Variants in ERC1 observed in about 807,000 individuals in gnomAD.
ERC1 encodes RAB6 interacting protein 2.
In ERC1, 56 loss-of-function variants were observed where a neutral mutation model predicts 132.0. That is an observed-to-expected ratio of 0.42 (90% CI 0.34 to 0.53). The LOEUF (loss-of-function observed/expected upper bound fraction) is 0.53, where lower values mean the gene tolerates loss of function less well. Among genes scored for constraint, ERC1 ranks in the 20% least tolerant of loss-of-function variants. The probability of loss-of-function intolerance (pLI) is 0.03; values close to 1 mark genes in which losing one functional copy is unlikely to be tolerated. For synonymous variants in ERC1, 478 were observed against 476.1 expected, an observed-to-expected ratio of 1.00 and a Z score of -0.05; for missense variants, 1,202 against 1,349.9, an observed-to-expected ratio of 0.89 and a Z score of 1.72.
intron 1 of ERC1, among the ~76,000 whole-genome samples, chr12:1,019,477 G>A (rs1966005513): frequency 1.3e-5 from 2 of 152,204 alleles, no homozygotes. Context: ...TTAGCTGTCA[G>A]TGGGATATTA....
chr12:1,027,707 TTTA>T, intron 1 of ERC1, 38 bp from the exon 2 acceptor site: 1 of 556,140 alleles, frequency 1.8e-6, no homozygotes, highest in Non-Finnish European at 3.2e-6. Flanking sequence ...AAGGGAAATA[TTTA>T]TTATTGGAGG....
At chr12:1,234,989 T>C (rs903568276) in intron 12 of ERC1, among the ~76,000 whole-genome samples, 1 of 152,234 alleles carries the variant, frequency 6.6e-6, no homozygotes, top group African/African-American at 2.4e-5. Flanking sequence ...TAGGGGAATA[T>C]CTTTATGAAC....
chr12:1,137,054 C>T (rs1460154420), intron 7 of ERC1, among the ~76,000 whole-genome samples: 1 of 151,064 alleles, frequency 6.6e-6, no homozygotes, highest in Non-Finnish European at 1.5e-5. Context: ...AGTCCTTCTA[C>T]TCACCAGTTC....
At chr12:1,008,006 T>C (rs1354794637) in intron 1 of ERC1, among the ~76,000 whole-genome samples, 1 of 152,186 alleles carries the variant, frequency 6.6e-6, no homozygotes, top group African/African-American at 2.4e-5. Context: ...TCTACTTTCT[T>C]TTCCCCGCCA....
At chr12:1,063,792 G>A (rs963294406) in intron 2 of ERC1, among the ~76,000 whole-genome samples, 11 of 151,860 alleles carry the variant, frequency 7.2e-5, no homozygotes, top group Admixed American at 6.6e-5. Flanking sequence ...TCCTCTCATT[G>A]TTTATCCTTG....
At chr12:1,139,158 A>C (rs1243644661) in intron 7 of ERC1, among the ~76,000 whole-genome samples, 1 of 152,234 alleles carries the variant, frequency 6.6e-6, no homozygotes, top group African/African-American at 2.4e-5. Flanking sequence ...AATTCCAGAA[A>C]AGAACAGCTC....
chr12:1,448,012 G>T (rs2093345511), intron 18 of ERC1, among the ~76,000 whole-genome samples: 1 of 151,988 alleles, frequency 6.6e-6, no homozygotes, highest in Admixed American at 6.6e-5. Flanking sequence ...ATGCCTAGAT[G>T]GACTTAACTC....
chr12:994,946 A>G (rs975535802), intron 1 of ERC1, among the ~76,000 whole-genome samples: 10 of 152,008 alleles, frequency 6.6e-5, no homozygotes, highest in African/African-American at 2.2e-4. Flanking sequence ...AATACAAACA[A>G]TTAGCTGGGG....
intron 17 of ERC1, among the ~76,000 whole-genome samples, chr12:1,437,035 T>G (rs1234191610): frequency 1.3e-5 from 2 of 152,140 alleles, no homozygotes; most frequent in Admixed American, 6.6e-5. Context: ...CAATGAGTGA[T>G]TTGTGTGGGG....
intron 12 of ERC1, among the ~76,000 whole-genome samples, chr12:1,212,851 G>A (rs1958007353): frequency 6.6e-6 from 1 of 152,128 alleles, no homozygotes; most frequent in African/African-American, 2.4e-5. Context: ...TTTCTCTGGG[G>A]ACCCCTTCCT....
intron 13 of ERC1, among the ~76,000 whole-genome samples, chr12:1,262,064 A>AAG (rs1253660097): frequency 1.3e-5 from 2 of 152,204 alleles, no homozygotes; most frequent in African/African-American, 4.8e-5. Context: ...AGATAAAATA[A>AAG]AAAATTCTTG....
chr12:1,244,876 T>C (rs2076064783), intron 13 of ERC1: 1 of 154,158 alleles, frequency 6.5e-6, no homozygotes, highest in African/African-American at 2.4e-5. Flanking sequence ...CGTTTTGATA[T>C]TCAAAGGTCA....
chr12:1,313,871 C>A (rs1307592081), intron 15 of ERC1, among the ~76,000 whole-genome samples: 3 of 152,096 alleles, frequency 2.0e-5, no homozygotes, highest in Admixed American at 2.0e-4. Flanking sequence ...ATAATCCCAG[C>A]TACTCGGGAG....
chr12:1,177,868 A>G (rs895321133), intron 8 of ERC1, among the ~76,000 whole-genome samples: 1 of 152,180 alleles, frequency 6.6e-6, no homozygotes, highest in Non-Finnish European at 1.5e-5. Flanking sequence ...ATCCAGGTAT[A>G]CCCGTATATG....
At chr12:1,191,283 C>T (rs1444454420) in intron 12 of ERC1, among the ~76,000 whole-genome samples, 1 of 152,070 alleles carries the variant, frequency 6.6e-6, no homozygotes, top group Non-Finnish European at 1.5e-5. Context: ...TTTTGCACTG[C>T]ACCCTTCCCC....
intron 16 of ERC1, chr12:1,386,109 A>T (rs1300670700): frequency 7.3e-6 from 1 of 136,226 alleles, no homozygotes; most frequent in African/African-American, 2.8e-5. Flanking sequence ...GCACGAGCTT[A>T]GCTCACTGCA....
At chr12:1,413,137 G>C (rs2091933761) in intron 17 of ERC1, among the ~76,000 whole-genome samples, 1 of 152,136 alleles carries the variant, frequency 6.6e-6, no homozygotes, top group East Asian at 1.9e-4. Flanking sequence ...AAAACACCTT[G>C]AATTTTATAA....
chr12:1,032,519 C>T (rs929900101), intron 2 of ERC1, among the ~76,000 whole-genome samples: 2 of 152,062 alleles, frequency 1.3e-5, no homozygotes, highest in African/African-American at 2.4e-5. Flanking sequence ...TACTCTTGTT[C>T]GTAATGATCA....
intron 4 of ERC1, among the ~76,000 whole-genome samples, chr12:1,108,530 A>G (rs1263438072): frequency 6.6e-6 from 1 of 152,162 alleles, no homozygotes; most frequent in Non-Finnish European, 1.5e-5. Context: ...TTTGTAGGCT[A>G]GTCATATGCT....
Sources: gnomAD v4.1 joint callset for allele counts (sites outside exome capture counted in the v4.1 genomes callset) on GRCh38, gnomAD v4.1.1 for gene constraint, MANE v1.5 for transcripts, NCBI Gene and HGNC (gene_info 2026-07-23, HGNC 2026-07-21) for gene names.